KANK1: variants seen among roughly 807,000 people sequenced by gnomAD.
KANK1 encodes KN motif and ankyrin repeat domains 1.
A neutral mutation model predicts 106.2 loss-of-function variants in KANK1; 109 were observed. The ratio of observed to expected loss-of-function variants is 1.03; its 90% CI spans 0.88 to 1.20. KANK1 has a LOEUF of 1.20. Ranked by LOEUF, KANK1 falls within the 50% of genes most tolerant of loss-of-function variation. KANK1 has a pLI of 0.00. For missense variants in KANK1, 2,399 were observed against 1,710.7 expected (o/e 1.40, Z -7.10); for synonymous variants, 873 against 652.2 (o/e 1.34, Z -5.16).
At chr9:497,430 T>TCACA (rs112024846) in intron 3 of KANK1, among the ~76,000 whole-genome samples, 27,286 of 150,710 alleles carry the variant, frequency 0.18, 5,310 homozygotes, top group African/African-American at 0.5. Flanking sequence ...ATGTGACTCT[T>TCACA]CACACACACA....
chr9:692,885 C>T (rs991599951), intron 2 of KANK1, among the ~76,000 whole-genome samples: 3 of 152,068 alleles, frequency 2.0e-5, no homozygotes, highest in South Asian at 2.1e-4. Context: ...AGCATGGTGT[C>T]GTGCTACTCT....
intron 2 of KANK1, among the ~76,000 whole-genome samples, chr9:683,203 T>A (rs368557609): frequency 1.3e-4 from 20 of 152,176 alleles, no homozygotes; most frequent in Non-Finnish European, 2.9e-4. Context: ...CTGCTTTAAT[T>A]CATGGGTACC....
At chr9:539,912 C>T (rs2060501979) in intron 1 of KANK1, among the ~76,000 whole-genome samples, 1 of 152,196 alleles carries the variant, frequency 6.6e-6, no homozygotes, top group African/African-American at 2.4e-5. Context: ...TACAACTTCA[C>T]TGAGTTTATT....
chr9:570,453 A>G (rs1445016909), intron 1 of KANK1, among the ~76,000 whole-genome samples: 1 of 152,192 alleles, frequency 6.6e-6, no homozygotes, highest in Non-Finnish European at 1.5e-5. Flanking sequence ...ATCTAGACAC[A>G]GGTCCCTAGA....
chr9:678,771 T>C (rs1816908378), intron 2 of KANK1, among the ~76,000 whole-genome samples: 1 of 152,034 alleles, frequency 6.6e-6, no homozygotes, highest in South Asian at 2.1e-4. Context: ...TCCAGTAAAA[T>C]ATTTGGTGAG....
intron 1 of KANK1, among the ~76,000 whole-genome samples, chr9:615,179 T>C (rs1831507440): frequency 6.6e-6 from 1 of 152,172 alleles, no homozygotes. Flanking sequence ...AAGCAAGTCC[T>C]CCTGCATTGG....
At chr9:629,324 G>C (rs1835115093) in intron 1 of KANK1, among the ~76,000 whole-genome samples, 1 of 152,112 alleles carries the variant, frequency 6.6e-6, no homozygotes, top group South Asian at 2.1e-4. Flanking sequence ...ACAAAAACCA[G>C]AGTGGGTCAC....
At chr9:662,345 C>A (rs7861122) in intron 1 of KANK1, among the ~76,000 whole-genome samples, 3 of 152,080 alleles carry the variant, frequency 2.0e-5, no homozygotes, top group Non-Finnish European at 4.4e-5. Context: ...TCATATGGAA[C>A]CAAAAAAGAG....
At chr9:654,731 C>T (rs1841711023) in intron 1 of KANK1, among the ~76,000 whole-genome samples, 1 of 151,788 alleles carries the variant, frequency 6.6e-6, no homozygotes, top group Non-Finnish European at 1.5e-5. Context: ...TACCAGAATA[C>T]CTGCTTTCTG....
Position 611,390 on chromosome 9 carries a change from A to G in KANK1, c.-83-65500A>G, listed in dbSNP as rs957931773. On this transcript the variant is annotated intron_variant, in intron 1 of 11. Transcript: ENST00000382297. Reference sequence around the variant, plus strand: ...TTATCTCCAGGATTCAGTGTAGGACATAGAAAAAAGTACAGGACTCAAGTA... The same window carrying G: ...TTATCTCCAGGATTCAGTGTAGGACGTAGAAAAAAGTACAGGACTCAAGTA... 1.4e-4 allele frequency among the ~76,000 whole-genome samples: 21 copies of G among 152,204 alleles called. 1 individual carries two copies. The highest frequency in any genetic ancestry group is 6.2e-4 in the South Asian group (3 of 4,836).
At position 738,625 on chromosome 9, in the gene KANK1, T is replaced by C. The variant is rs112081178; in HGVS notation, c.3553+121T>C. On this transcript the variant is annotated intron_variant, in intron 8 of 11. Transcript: ENST00000382297. ...CCATGCTAAAATCCTTTTTATTGCT[T>C]TTCCACATGACATGGCAAGAATTTT... 8.8e-4 allele frequency: 673 copies of C among 767,452 alleles called. 3 individuals carry two copies. In the African/African-American group the frequency reaches 0.01, roughly 12 times the overall value. 47.5% of individuals were successfully genotyped at this position (767,452 alleles called of 1,614,324 possible). A position where few individuals can be genotyped will look rare whatever the true frequency, so the allele number is the denominator to read the frequency against.
chr9:625,753 AT>A (rs1320742110), intron 1 of KANK1, among the ~76,000 whole-genome samples: 1 of 152,220 alleles, frequency 6.6e-6, no homozygotes, highest in Non-Finnish European at 1.5e-5. Context: ...AGTCTCCTTG[AT>A]CAAACATGGA....
intron 3 of KANK1, among the ~76,000 whole-genome samples, chr9:474,333 A>G (rs1220301332): frequency 1.3e-5 from 2 of 152,216 alleles, no homozygotes; most frequent in Non-Finnish European, 2.9e-5. Flanking sequence ...TCAGGGGTCA[A>G]AGATGCTGAA....
Position 571,253 on chromosome 9 carries a change from C to G in KANK1, c.-84+66499C>G, listed in dbSNP as rs561662846. On this transcript the variant is annotated intron_variant, in intron 1 of 11. Transcript: ENST00000382297. ...ATTGTTAGCAAGGCAAACAGAAATA[C>G]TCGATACAGTTATGTATAAACCAGA... 2.6e-5 allele frequency among the ~76,000 whole-genome samples: 4 copies of G among 152,300 alleles called. No homozygotes were observed. In the East Asian group the frequency reaches 7.7e-4, roughly 29 times the overall value.
At chr9:698,937 G>A (rs545730257) in intron 2 of KANK1, among the ~76,000 whole-genome samples, 11 of 152,154 alleles carry the variant, frequency 7.2e-5, no homozygotes, top group Non-Finnish European at 1.0e-4. Context: ...CATCTATGAT[G>A]CAAAAACTTG....
intron 3 of KANK1, among the ~76,000 whole-genome samples, chr9:726,360 C>G (rs1830633188): frequency 6.6e-6 from 1 of 152,132 alleles, no homozygotes; most frequent in Non-Finnish European, 1.5e-5. Flanking sequence ...ACTGAGAGGC[C>G]AGGCACGGTT....
At chr9:649,372 C>T (rs557915574) in intron 1 of KANK1, among the ~76,000 whole-genome samples, 1 of 152,156 alleles carries the variant, frequency 6.6e-6, no homozygotes, top group African/African-American at 2.4e-5. Context: ...CTCACCTTAT[C>T]TGGTCACCCT....
intron 1 of KANK1, among the ~76,000 whole-genome samples, chr9:656,155 C>G (rs1348650810): frequency 6.6e-6 from 1 of 152,188 alleles, no homozygotes; most frequent in Non-Finnish European, 1.5e-5. Flanking sequence ...TTGAGCCCAA[C>G]CTTTCAGGCC....
At chr9:630,426 C>A (rs1193990110) in intron 1 of KANK1, among the ~76,000 whole-genome samples, 1 of 152,074 alleles carries the variant, frequency 6.6e-6, no homozygotes, top group Non-Finnish European at 1.5e-5. Context: ...TGGCGGGCGC[C>A]TGTAGTCCCA....
Sources: allele counts gnomAD v4.1 joint callset (sites outside exome capture counted in the v4.1 genomes callset), GRCh38; gene constraint gnomAD v4.1.1; transcripts MANE v1.5; gene names NCBI Gene and HGNC (gene_info 2026-07-23, HGNC 2026-07-21).